Variants in RPS6KB1 observed in about 807,000 individuals in gnomAD.
RPS6KB1 encodes the protein ribosomal protein S6 kinase B1, also known as ribosomal protein S6 kinase beta-1.
Under a neutral mutation model 70.2 loss-of-function variants are expected in RPS6KB1, and 12 were observed. The ratio of observed to expected loss-of-function variants is 0.17; its 90% confidence interval spans 0.11 to 0.28. The LOEUF is 0.28. Ranked by LOEUF, RPS6KB1 falls within the 10% of genes least tolerant of loss-of-function variation. The pLI is 1.00. For synonymous variants in RPS6KB1, 175 were observed against 211.2 expected (o/e 0.83, Z 1.49); for missense variants, 270 against 646.6 (o/e 0.42, Z 6.32).
intron 4 of RPS6KB1, among the ~76,000 whole-genome samples, chr17:59,920,790 T>C (rs1259867174): frequency 6.6e-6 from 1 of 152,150 alleles, no homozygotes; most frequent in Non-Finnish European, 1.5e-5. Flanking sequence ...CCTTTGCCTC[T>C]TGGGTTCCAG....
intron 1 of RPS6KB1, among the ~76,000 whole-genome samples, chr17:59,908,920 ATTTTT>A (rs1405952501): frequency 2.9e-5 from 3 of 101,726 alleles, no homozygotes; most frequent in Admixed American, 1.1e-4. Flanking sequence ...GCCCGGCCAA[ATTTTT>A]TTTTTTTTTT....
intron 4 of RPS6KB1, among the ~76,000 whole-genome samples, chr17:59,922,079 T>C (rs180534): frequency 0.56 from 83,592 of 148,368 alleles, 25,978 homozygotes; most frequent in African/African-American, 0.85. Flanking sequence ...CTCACTCTGT[T>C]GCCCAGGCTG....
At chr17:59,903,167 G>A (rs1056206092) in intron 1 of RPS6KB1, among the ~76,000 whole-genome samples, 1 of 152,002 alleles carries the variant, frequency 6.6e-6, no homozygotes, top group Non-Finnish European at 1.5e-5. Flanking sequence ...TTAGCCGGGC[G>A]TGGTGGCGGG....
intron 12 of RPS6KB1, among the ~76,000 whole-genome samples, chr17:59,940,019 AT>A (rs936520216): frequency 3.3e-5 from 5 of 152,122 alleles, no homozygotes; most frequent in African/African-American, 1.2e-4. Context: ...ATAGAAAATT[AT>A]TTTTGTTCCT....
intron 5 of RPS6KB1, among the ~76,000 whole-genome samples, chr17:59,927,171 C>G (rs972184789): frequency 3.3e-5 from 5 of 152,094 alleles, no homozygotes; most frequent in African/African-American, 1.2e-4. Context: ...CAACCTCTGC[C>G]TCCTGGAGTT....
chr17:59,947,776 T>TA lies in RPS6KB1; in HGVS notation c.*994dup. On this transcript the variant is annotated 3_prime_UTR_variant, in exon 15 of 15. Coordinates refer to ENST00000225577, the MANE Select transcript of RPS6KB1 (RefSeq NM_003161.4). ...GAAGAACAACAGAAGAGAGTCAGGATAAAAAATACATACTGTGGTCGGCAA... is the reference window on the plus strand; with the variant it reads ...GAAGAACAACAGAAGAGAGTCAGGATAAAAAAATACATACTGTGGTCGGCAA... 1 of 548,608 alleles carries TA rather than the reference T, an allele frequency of 1.8e-6. No homozygotes were observed. Among genetic ancestry groups the TA allele is most frequent in the Non-Finnish European group, 3.3e-6 (1 of 302,794 alleles). 34.0% of individuals were successfully genotyped at this position (548,608 alleles called of 1,614,324 possible).
intron 4 of RPS6KB1, among the ~76,000 whole-genome samples, chr17:59,919,797 C>G (rs1185863180): frequency 6.6e-6 from 1 of 152,102 alleles, no homozygotes; most frequent in Admixed American, 6.6e-5. Context: ...TAGCACTCCA[C>G]CTTCTGCCTT....
At chr17:59,939,350 C>CT (rs2044444469) in intron 12 of RPS6KB1, among the ~76,000 whole-genome samples, 2 of 152,174 alleles carry the variant, frequency 1.3e-5, no homozygotes, top group Admixed American at 6.5e-5. Flanking sequence ...GGTATAATCT[C>CT]TGTCTACTGC....
chr17:59,929,657 A>T (rs941254617), intron 5 of RPS6KB1, among the ~76,000 whole-genome samples: 1 of 152,154 alleles, frequency 6.6e-6, no homozygotes, highest in Non-Finnish European at 1.5e-5. Context: ...AAATTGTGCC[A>T]TGTTTTTTAC....
chr17:59,904,241 C>T lies in RPS6KB1; in HGVS notation c.142-6321C>T, dbSNP rs368760761. Among the ~76,000 whole-genome samples, 25 of 150,902 alleles carry T rather than the reference C, an allele frequency of 1.7e-4. No individual in the cohort carries two copies. The East Asian group carries it at 2.7e-3, about 17-fold the overall frequency. On this transcript the variant is annotated intron_variant, in intron 1 of 14. Transcript: ENST00000225577. ...GATTACAGGTGCGCACCAACACGTC[C>T]GGCTAATTTTTGTATTTTTAGTAGA...
chr17:59,926,745 T>C (rs1401384908), intron 5 of RPS6KB1, among the ~76,000 whole-genome samples, 163 bp downstream of exon 5: 1 of 152,224 alleles, frequency 6.6e-6, no homozygotes, highest in Non-Finnish European at 1.5e-5. Flanking sequence ...AATGTTTCTA[T>C]TGGCAGACAA....
chr17:59,910,725 A>C, intron 2 of RPS6KB1, 114 bp downstream of exon 2: 1 of 675,022 alleles, frequency 1.5e-6, no homozygotes, highest in South Asian at 1.9e-5. Flanking sequence ...ATATGTAGTC[A>C]TATTTATCAA....
At chr17:59,901,643 A>AG (rs1340857612) in intron 1 of RPS6KB1, among the ~76,000 whole-genome samples, 2 of 149,960 alleles carry the variant, frequency 1.3e-5, no homozygotes, top group East Asian at 3.9e-4. Context: ...AAAAAAAAAA[A>AG]AAAGAAAAAA....
intron 1 of RPS6KB1, among the ~76,000 whole-genome samples, chr17:59,909,754 C>T (rs1239913532): frequency 2.0e-5 from 3 of 151,972 alleles, no homozygotes; most frequent in Non-Finnish European, 4.4e-5. Context: ...TGACTCACGC[C>T]TGTAATCCCA....
chr17:59,900,412 C>G (rs1340401707), intron 1 of RPS6KB1, among the ~76,000 whole-genome samples: 1 of 152,026 alleles, frequency 6.6e-6, no homozygotes, highest in Non-Finnish European at 1.5e-5. Flanking sequence ...GTCATCCAGC[C>G]TGGAGTGCAA....
At chr17:59,901,318 G>A (rs1218088561) in intron 1 of RPS6KB1, among the ~76,000 whole-genome samples, 1 of 151,168 alleles carries the variant, frequency 6.6e-6, no homozygotes, top group South Asian at 2.1e-4. Flanking sequence ...CCCGGCTAAT[G>A]TTTTGTATTT....
At chr17:59,927,207 C>A (rs1299203658) in intron 5 of RPS6KB1, among the ~76,000 whole-genome samples, 1 of 152,074 alleles carries the variant, frequency 6.6e-6, no homozygotes, top group Non-Finnish European at 1.5e-5. Flanking sequence ...CCTCAGCCTC[C>A]CGAGTAGCTG....
At chr17:59,935,137 A>G (rs763352514) in intron 9 of RPS6KB1, 56 bp from the exon 10 acceptor site, 4 of 1,053,514 alleles carry the variant, frequency 3.8e-6, no homozygotes, top group Non-Finnish European at 5.7e-6. Context: ...TTTGTTTCTT[A>G]TATGCTAATA....
Position 59,935,304 on chromosome 17 carries a change from A to G in RPS6KB1, c.978+4A>G. 4 of 1,519,506 alleles carry G rather than the reference A, an allele frequency of 2.6e-6. No homozygotes were observed. Among genetic ancestry groups the G allele is most frequent in the Non-Finnish European group, 3.7e-6 (4 of 1,095,088 alleles). The allele number at this position is 1,519,506 out of a possible 1,614,324, so 94.1% of individuals were successfully genotyped here. A position where few individuals can be genotyped will look rare whatever the true frequency, so the allele number is the denominator to read the frequency against. ...AGCCAGAGATCTGCTTAAAAAGGTA[A>G]GGTTCTTAAATGGTCACTGACACTA... On this transcript the variant is annotated splice_donor_region_variant and intron_variant, in intron 10 of 14. Coordinates refer to ENST00000225577, the MANE Select transcript of RPS6KB1 (RefSeq NM_003161.4).
Sources: allele counts gnomAD v4.1 joint callset (sites outside exome capture counted in the v4.1 genomes callset), GRCh38; gene constraint gnomAD v4.1.1; transcripts MANE v1.5; gene names NCBI Gene and HGNC (gene_info 2026-07-23, HGNC 2026-07-21).